Variants in TM9SF2 observed in about 807,000 individuals in gnomAD.
TM9SF2 encodes the protein 76 kDa membrane protein.
TM9SF2 carries 13 observed loss-of-function variants against 84.9 expected under a neutral mutation model. That is an observed-to-expected ratio of 0.15 (90% CI 0.10 to 0.24). The LOEUF is 0.24. TM9SF2 is among the 10% of genes least tolerant of loss of function. The pLI is 1.00. For synonymous variants in TM9SF2, 273 were observed against 285.8 expected (o/e 0.96, Z 0.45); for missense variants, 562 against 818.5 (o/e 0.69, Z 3.82).
In TM9SF2 at chr13:99,563,921, G is replaced by A. The variant is rs1319497354; in HGVS notation, c.*1163G>A. On this transcript the variant is annotated 3_prime_UTR_variant, in exon 17 of 17. Coordinates refer to ENST00000376387, the MANE Select transcript of TM9SF2 (RefSeq NM_004800.3). ...AGTATCGGTCTGCTTGTATCTGTGA[G>A]CATATTCATTTGTATTTTAGGGTCT... 1 of 152,182 alleles carries A rather than the reference G, an allele frequency of 6.6e-6. No individual in the cohort carries two copies. The highest frequency in any genetic ancestry group is 1.5e-5 in the Non-Finnish European group (1 of 68,032). The allele number at this position is 152,182 out of a possible 1,614,324, so 9.4% of individuals were successfully genotyped here.
chr13:99,506,944 A>T (rs978324107), intron 1 of TM9SF2, among the ~76,000 whole-genome samples: 1 of 152,208 alleles, frequency 6.6e-6, no homozygotes, highest in African/African-American at 2.4e-5. Flanking sequence ...TTCTATTTTC[A>T]TTAAAATTAA....
intron 9 of TM9SF2, among the ~76,000 whole-genome samples, chr13:99,542,293 C>A (rs977854698): frequency 6.6e-6 from 1 of 152,212 alleles, no homozygotes; most frequent in Non-Finnish European, 1.5e-5. Context: ...ATCCCTGACA[C>A]ATACCTGTTT....
chr13:99,559,435 C>T lies in TM9SF2; in HGVS notation c.1825C>T (p.His609Tyr). ...AGTTTATTTCTTAATCTATGCAGTA[C>T]ACTACTTCTTTTCAAAACTGCAGAT... ...TAVYFLIYAV[H>Y]YFFSKLQITG... Residue 609 changes from histidine to tyrosine, a missense_variant, in exon 16 of 17, where the codon CAC becomes TAC. Physicochemically the swap from His to Tyr is moderately conservative, Grantham distance 83. Transcript: ENST00000376387. 1 of 1,614,062 alleles carries T rather than the reference C, an allele frequency of 6.2e-7. No individual in the cohort carries two copies. Among genetic ancestry groups the T allele is most frequent in the Non-Finnish European group, 8.5e-7 (1 of 1,179,936 alleles).
intron 8 of TM9SF2, 103 bp downstream of exon 8, chr13:99,540,896 C>A: frequency 9.3e-7 from 1 of 1,080,110 alleles, no homozygotes; most frequent in Non-Finnish European, 1.3e-6. Flanking sequence ...ATTCAAAAGT[C>A]TGGCCTTGGG....
chr13:99,525,040 C>G (rs886681037), intron 3 of TM9SF2, among the ~76,000 whole-genome samples: 1 of 152,040 alleles, frequency 6.6e-6, no homozygotes, highest in Non-Finnish European at 1.5e-5. Flanking sequence ...GAGATAAGGA[C>G]AGAGGATTGA....
At position 99,501,485 on chromosome 13, in the gene TM9SF2, C is replaced by A; in HGVS notation, c.-122C>A. The A allele has an allele frequency of 7.6e-7, 1 of 1,314,586 alleles. No homozygotes were observed. The highest frequency in any genetic ancestry group is 2.8e-4 in the Middle Eastern group (1 of 3,618). 81.4% of individuals were successfully genotyped at this position (1,314,586 alleles called of 1,614,324 possible). A position where few individuals can be genotyped will look rare whatever the true frequency, so the allele number is the denominator to read the frequency against. On this transcript the variant is annotated 5_prime_UTR_variant, in exon 1 of 17. Transcript: ENST00000376387. Reference sequence around the variant, plus strand: ...GGGGTGTCTCCTAGCGCAACCGGAACTAGCCTTCTGGGGGCCGGCTTCCTT... The same window carrying A: ...GGGGTGTCTCCTAGCGCAACCGGAAATAGCCTTCTGGGGGCCGGCTTCCTT...
Position 99,517,805 on chromosome 13 carries a change from C to A in TM9SF2, c.239+124C>A, listed in dbSNP as rs1374251791. Reference sequence around the variant, plus strand: ...AAAATATTTTTTAAGGTGTACTCTTCCAAGGTGTGGTTAAAAATGTGATCT... The same window carrying A: ...AAAATATTTTTTAAGGTGTACTCTTACAAGGTGTGGTTAAAAATGTGATCT... On this transcript the variant is annotated intron_variant, in intron 2 of 16. Coordinates refer to ENST00000376387, the MANE Select transcript of TM9SF2 (RefSeq NM_004800.3). 6 of 489,974 alleles carry A rather than the reference C, an allele frequency of 1.2e-5. No homozygotes were observed. The Admixed American group carries it at 1.7e-4, about 14-fold the overall frequency. 30.4% of individuals were successfully genotyped at this position (489,974 alleles called of 1,614,324 possible). A position where few individuals can be genotyped will look rare whatever the true frequency, so the allele number is the denominator to read the frequency against.
chr13:99,523,680 T>C (rs1219996048), intron 3 of TM9SF2, among the ~76,000 whole-genome samples: 1 of 152,230 alleles, frequency 6.6e-6, no homozygotes, highest in African/African-American at 2.4e-5. Context: ...ATTTGCTCAG[T>C]ACCTTTCATG....
intron 12 of TM9SF2, among the ~76,000 whole-genome samples, chr13:99,551,953 T>C (rs1304895205): frequency 6.6e-6 from 1 of 152,226 alleles, no homozygotes; most frequent in Non-Finnish European, 1.5e-5. Context: ...CTGACTTTCA[T>C]AGGCTGCTGG....
intron 9 of TM9SF2, among the ~76,000 whole-genome samples, chr13:99,542,204 G>A (rs1016462320): frequency 1.3e-5 from 2 of 151,602 alleles, no homozygotes; most frequent in Non-Finnish European, 2.9e-5. Flanking sequence ...GAGCTGACCT[G>A]TTCACAGCCT....
chr13:99,562,866 C>T lies in TM9SF2; in HGVS notation c.*108C>T. On this transcript the variant is annotated 3_prime_UTR_variant, in exon 17 of 17. Transcript: ENST00000376387. Reference sequence around the variant, plus strand: ...TTATCAGAATTATTGGCCTAGTAATCCTTCAGAAACACCGTAATTCTAAAT... The same window carrying T: ...TTATCAGAATTATTGGCCTAGTAATTCTTCAGAAACACCGTAATTCTAAAT... The T allele has an allele frequency of 1.0e-6, 1 of 998,992 alleles. No individual in the cohort carries two copies. The highest frequency in any genetic ancestry group is 2.3e-5 in the Admixed American group (1 of 43,588). The allele number at this position is 998,992 out of a possible 1,614,324, so 61.9% of individuals were successfully genotyped here.
At chr13:99,517,828 TC>T (rs1368631080) in intron 2 of TM9SF2, 147 bp downstream of exon 2, 39 of 293,922 alleles carry the variant, frequency 1.3e-4, no homozygotes, top group Non-Finnish European at 2.2e-4. Flanking sequence ...AAAAATGTGA[TC>T]TTTTTTTTAA....
At chr13:99,509,861 T>G (rs951917026) in intron 1 of TM9SF2, among the ~76,000 whole-genome samples, 2 of 152,226 alleles carry the variant, frequency 1.3e-5, no homozygotes, top group African/African-American at 4.8e-5. Flanking sequence ...AAAACTTTTT[T>G]TTTCTTTGCC....
intron 11 of TM9SF2, 52 bp downstream of exon 11, chr13:99,547,156 G>C (rs762587750): frequency 6.2e-7 from 1 of 1,603,886 alleles, no homozygotes; most frequent in African/African-American, 1.3e-5. Flanking sequence ...ACTCTGCTGC[G>C]GCTGTGGATC....
intron 12 of TM9SF2, among the ~76,000 whole-genome samples, chr13:99,550,632 T>A (rs2046301932): frequency 6.6e-6 from 1 of 152,230 alleles, no homozygotes; most frequent in Admixed American, 6.5e-5. Flanking sequence ...CAGGGGGACT[T>A]GGTGTTCACC....
At chr13:99,504,656 G>A (rs1192415367) in intron 1 of TM9SF2, among the ~76,000 whole-genome samples, 1 of 152,166 alleles carries the variant, frequency 6.6e-6, no homozygotes, top group Non-Finnish European at 1.5e-5. Context: ...TGAATTTACT[G>A]GCAGAGAAAC....
chr13:99,558,344 A>G (rs7323521), intron 15 of TM9SF2, among the ~76,000 whole-genome samples: 3,774 of 152,276 alleles, frequency 0.025, 161 homozygotes, highest in African/African-American at 0.086. Context: ...AACTTTTCCA[A>G]TCTGCAAAAA....
chr13:99,521,549 C>G (rs891712867), intron 3 of TM9SF2, among the ~76,000 whole-genome samples: 1 of 152,144 alleles, frequency 6.6e-6, no homozygotes, highest in Non-Finnish European at 1.5e-5. Context: ...CAGCAAATCC[C>G]GAAGCCTAGA....
chr13:99,523,866 T>C (rs569615459), intron 3 of TM9SF2, among the ~76,000 whole-genome samples: 3 of 152,130 alleles, frequency 2.0e-5, no homozygotes, highest in Non-Finnish European at 4.4e-5. Flanking sequence ...ATTTCTAATT[T>C]TAAATAGGCT....
Sources: allele counts gnomAD v4.1 joint callset (sites outside exome capture counted in the v4.1 genomes callset), GRCh38; gene constraint gnomAD v4.1.1; transcripts MANE v1.5; gene names NCBI Gene and HGNC (gene_info 2026-07-23, HGNC 2026-07-21).